Variants in LYN observed in about 807,000 individuals in gnomAD.
LYN encodes the protein LYN proto-oncogene, Src family tyrosine kinase.
A neutral mutation model predicts 65.0 loss-of-function variants in LYN; 12 were observed. The observed-to-expected ratio is 0.18, with a 90% CI of 0.12 to 0.30. The LOEUF (loss-of-function observed/expected upper bound fraction) is 0.30. LYN is among the 10% of genes least tolerant of loss of function. The pLI is 1.00. For missense variants in LYN, 380 were observed against 623.2 expected (o/e 0.61, Z 4.16); for synonymous variants, 222 against 221.2 (o/e 1.00, Z -0.03).
intron 1 of LYN, among the ~76,000 whole-genome samples, chr8:55,918,565 A>G (rs770716598): frequency 1.3e-5 from 2 of 152,240 alleles, no homozygotes; most frequent in Non-Finnish European, 2.9e-5. Context: ...AACGATTGTT[A>G]AGGAATAATA....
chr8:56,002,672 AGAAAAATGG>A (rs1463187839), intron 12 of LYN, among the ~76,000 whole-genome samples: 1 of 151,972 alleles, frequency 6.6e-6, no homozygotes, highest in Admixed American at 6.6e-5. Flanking sequence ...GAGAACCAGT[AGAAAAATGG>A]TGAGAATCAT....
At chr8:55,956,683 C>T (rs1311648468) in intron 8 of LYN, among the ~76,000 whole-genome samples, 2 of 152,188 alleles carry the variant, frequency 1.3e-5, no homozygotes, top group Non-Finnish European at 2.9e-5. Context: ...TCCTTTCTGT[C>T]CTCCTCCCTT....
intron 10 of LYN, among the ~76,000 whole-genome samples, chr8:55,986,331 C>T (rs897923773): frequency 6.6e-6 from 1 of 152,210 alleles, no homozygotes; most frequent in Non-Finnish European, 1.5e-5. Flanking sequence ...CACATCCTCA[C>T]TAACACTTGT....
intron 10 of LYN, among the ~76,000 whole-genome samples, chr8:55,988,376 C>T (rs1011147043): frequency 2.7e-5 from 4 of 149,510 alleles, no homozygotes; most frequent in African/African-American, 7.5e-5. Flanking sequence ...CTTTTTAGGT[C>T]AGTTTGGGAT....
At chr8:55,975,640 AGT>A (rs1168823736) in intron 10 of LYN, among the ~76,000 whole-genome samples, 1 of 152,220 alleles carries the variant, frequency 6.6e-6, no homozygotes, top group African/African-American at 2.4e-5. Flanking sequence ...TTGAATAATG[AGT>A]GTTATGTTTT....
intron 1 of LYN, among the ~76,000 whole-genome samples, chr8:55,914,796 T>C (rs1303124917): frequency 6.6e-6 from 1 of 152,190 alleles, no homozygotes; most frequent in Non-Finnish European, 1.5e-5. Context: ...TGCTCTTCTC[T>C]TCACTCCCAC....
At chr8:56,006,388 C>G (rs1808674788) in intron 12 of LYN, among the ~76,000 whole-genome samples, 1 of 152,144 alleles carries the variant, frequency 6.6e-6, no homozygotes, top group African/African-American at 2.4e-5. Context: ...GTATCTAGCT[C>G]TTCCTGATAC....
intron 1 of LYN, among the ~76,000 whole-genome samples, chr8:55,940,511 G>T (rs1202154005): frequency 6.6e-6 from 1 of 152,152 alleles, no homozygotes; most frequent in African/African-American, 2.4e-5. Context: ...GAGTAGCTGG[G>T]ACTACAGGCG....
At chr8:55,950,118 G>T (rs1806899174) in intron 4 of LYN, among the ~76,000 whole-genome samples, 1 of 152,146 alleles carries the variant, frequency 6.6e-6, no homozygotes, top group Non-Finnish European at 1.5e-5. Flanking sequence ...TCCTTTCACT[G>T]CTGAGTAATA....
chr8:55,896,690 A>G (rs1805113959), intron 1 of LYN, among the ~76,000 whole-genome samples: 1 of 152,058 alleles, frequency 6.6e-6, no homozygotes, highest in South Asian at 2.1e-4. Context: ...TAGAATAAAA[A>G]CCATACCTAA....
At chr8:55,994,086 G>C (rs56050111) in intron 10 of LYN, among the ~76,000 whole-genome samples, 7,257 of 152,234 alleles carry the variant, frequency 0.048, 501 homozygotes, top group African/African-American at 0.15. Flanking sequence ...TTGAAATAGA[G>C]CTGGATTTAC....
intron 1 of LYN, among the ~76,000 whole-genome samples, chr8:55,897,960 T>C (rs145613336): frequency 1.5e-3 from 226 of 152,242 alleles, no homozygotes; most frequent in African/African-American, 5.2e-3. Flanking sequence ...GTAAGCAATT[T>C]TTTTCTTTGG....
At chr8:55,935,975 T>C (rs932927779) in intron 1 of LYN, among the ~76,000 whole-genome samples, 2 of 152,158 alleles carry the variant, frequency 1.3e-5, no homozygotes, top group Admixed American at 1.3e-4. Flanking sequence ...AGCATTCAAC[T>C]CTTCTGAAGA....
intron 1 of LYN, among the ~76,000 whole-genome samples, chr8:55,884,377 T>G (rs569026511): frequency 6.3e-4 from 96 of 152,136 alleles, no homozygotes; most frequent in Middle Eastern, 3.4e-3. Flanking sequence ...AATGCTGGGA[T>G]TACAGGTGTG....
At chr8:55,900,425 T>G (rs1284938079) in intron 1 of LYN, among the ~76,000 whole-genome samples, 1 of 152,136 alleles carries the variant, frequency 6.6e-6, no homozygotes, top group African/African-American at 2.4e-5. Context: ...CAGGCTGAAG[T>G]ACAGTGATGT....
At chr8:55,912,354 C>T (rs1337927638) in intron 1 of LYN, among the ~76,000 whole-genome samples, 1 of 152,174 alleles carries the variant, frequency 6.6e-6, no homozygotes, top group Non-Finnish European at 1.5e-5. Context: ...CTCCTAGTCA[C>T]AACCTTTATA....
chr8:55,907,802 G>T (rs1805474420), intron 1 of LYN, among the ~76,000 whole-genome samples: 1 of 152,062 alleles, frequency 6.6e-6, no homozygotes, highest in African/African-American at 2.4e-5. Context: ...GGAGGTCGAG[G>T]CTGCAGTGAG....
chr8:56,000,196 A>C (rs2130586505), intron 12 of LYN, among the ~76,000 whole-genome samples: 1 of 152,220 alleles, frequency 6.6e-6, no homozygotes, highest in South Asian at 2.1e-4. Flanking sequence ...GAAGGAGGAA[A>C]CCCACATGGA....
intron 1 of LYN, among the ~76,000 whole-genome samples, chr8:55,903,252 C>G (rs954758032): frequency 6.6e-6 from 1 of 152,210 alleles, no homozygotes; most frequent in Non-Finnish European, 1.5e-5. Context: ...CTCAGCCTCC[C>G]AAAGTGCTGG....
Sources: gnomAD v4.1 joint callset for allele counts (sites outside exome capture counted in the v4.1 genomes callset) on GRCh38, gnomAD v4.1.1 for gene constraint, MANE v1.5 for transcripts, NCBI Gene and HGNC (gene_info 2026-07-23, HGNC 2026-07-21) for gene names.